PFKFB4: variants seen among roughly 807,000 people sequenced by gnomAD.
PFKFB4 encodes 6-phosphofructo-2-kinase/fructose-2,6-bisphosphatase 4.
Under a neutral mutation model 62.8 loss-of-function variants are expected in PFKFB4, and 42 were observed. The ratio of observed to expected loss-of-function variants is 0.67; its 90% CI spans 0.52 to 0.86. The LOEUF (loss-of-function observed/expected upper bound fraction) is 0.86. Ranked by LOEUF, PFKFB4 falls within the 40% of genes least tolerant of loss-of-function variation. The pLI, the probability that PFKFB4 is intolerant of heterozygous loss-of-function variation, is 0.00. For synonymous variants in PFKFB4, 204 were observed against 240.7 expected (o/e 0.85, Z 1.41); for missense variants, 475 against 627.2 (o/e 0.76, Z 2.59).
intron 7 of PFKFB4, 155 bp from the exon 8 acceptor site, chr3:48,536,618 G>C: frequency 6.4e-6 from 4 of 620,662 alleles, no homozygotes; most frequent in Non-Finnish European, 1.1e-5. Context: ...CGAGTGATGG[G>C]GGTGAGGCGG....
rs1209205919 is a variant in PFKFB4 at position 48,525,561 on chromosome 3, C to A, written c.1092+4G>T. The A allele has an allele frequency of 5.2e-6, 8 of 1,535,604 alleles. 1 individual carries two copies. The highest frequency in any genetic ancestry group is 4.8e-5 in the East Asian group (2 of 41,932). ...GCTGGGACTAAGCCCCAAATCCCAC[C>A]TACCTCCCCTTTAGGGTACCGGTAC... On this transcript the variant is annotated splice_donor_region_variant and intron_variant, in intron 10 of 13. Transcript: ENST00000232375.
At chr3:48,539,218 A>G in intron 6 of PFKFB4, 36 bp downstream of exon 6, 1 of 1,551,024 alleles carries the variant, frequency 6.4e-7, no homozygotes, top group Non-Finnish European at 8.9e-7. Context: ...TCCCTGTCAC[A>G]CACGACCTTC....
chr3:48,524,042 G>A (rs1411056470), intron 10 of PFKFB4, among the ~76,000 whole-genome samples: 4 of 152,190 alleles, frequency 2.6e-5, no homozygotes, highest in Non-Finnish European at 5.9e-5. Context: ...GTCCTGGTAG[G>A]ATTGAGAGCG....
intron 7 of PFKFB4, 153 bp from the exon 8 acceptor site, chr3:48,536,616 G>T: frequency 1.6e-6 from 1 of 627,970 alleles, no homozygotes. Flanking sequence ...TGCGAGTGAT[G>T]GGGGTGAGGC....
intron 9 of PFKFB4, among the ~76,000 whole-genome samples, chr3:48,526,984 C>T (rs1390632241): frequency 6.7e-6 from 1 of 150,368 alleles, no homozygotes; most frequent in Non-Finnish European, 1.5e-5. Flanking sequence ...CACAGACAGA[C>T]ATACATAGGG....
chr3:48,551,519 C>CTTTTTTTTT (rs71074260), intron 1 of PFKFB4, among the ~76,000 whole-genome samples: 1 of 29,080 alleles, frequency 3.4e-5, no homozygotes, highest in Non-Finnish European at 5.6e-5. Context: ...CTCCAGCCTT[C>CTTTTTTTTT]TTTTTTTTTT....
At chr3:48,542,510 T>C (rs989351447) in intron 4 of PFKFB4, among the ~76,000 whole-genome samples, 3 of 151,848 alleles carry the variant, frequency 2.0e-5, no homozygotes, top group Non-Finnish European at 4.4e-5. Context: ...AAATAATACA[T>C]GACAATTTCC....
chr3:48,521,931 TGGACACCCCCACATCA>T lies in PFKFB4; in HGVS notation c.1350+39_1350+54del. On this transcript the variant is annotated intron_variant, in intron 13 of 13. Coordinates refer to ENST00000232375, the MANE Select transcript of PFKFB4 (RefSeq NM_004567.4). This position sits in a 1 kb window ranked among gnomAD's most constrained non-coding sequence, Gnocchi z 5.3. ...GCCTGGCCCTGGAGGATGTGCAGTCTGGACACCCCCACATCAGGAACACCCCGCTACCCCAGCAGTG... is the reference window on the plus strand; with the variant it reads ...GCCTGGCCCTGGAGGATGTGCAGTCTGGAACACCCCGCTACCCCAGCAGTG... The T allele has an allele frequency of 1.4e-6, 2 of 1,440,756 alleles. No homozygotes were observed. The highest frequency in any genetic ancestry group is 2.0e-6 in the Non-Finnish European group (2 of 1,021,608). The allele number at this position is 1,440,756 out of a possible 1,614,324, so 89.2% of individuals were successfully genotyped here.
At chr3:48,530,245 T>G (rs1311233574) in intron 9 of PFKFB4, among the ~76,000 whole-genome samples, 2 of 152,004 alleles carry the variant, frequency 1.3e-5, no homozygotes, top group Non-Finnish European at 2.9e-5. Context: ...AGAGTGAGAT[T>G]TGGTCTCAAA....
In PFKFB4 at chr3:48,528,280, T is replaced by C. The variant is rs376495486; in HGVS notation, c.988-2611A>G. 3.3e-5 allele frequency among the ~76,000 whole-genome samples: 5 copies of C among 152,120 alleles called. No homozygotes were observed. In the East Asian group the frequency reaches 9.7e-4, roughly 29 times the overall value. ...GTGAGATGGCGAAACAGTGTGGCAG[T>C]TTCTGAAAAGGTTGAATGTATAATT... On this transcript the variant is annotated intron_variant, in intron 9 of 13. Coordinates refer to ENST00000232375, the MANE Select transcript of PFKFB4 (RefSeq NM_004567.4).
chr3:48,538,038 C>T (rs951027250), intron 7 of PFKFB4, among the ~76,000 whole-genome samples: 8 of 152,162 alleles, frequency 5.3e-5, no homozygotes, highest in African/African-American at 1.7e-4. Flanking sequence ...GCCAGCCAGT[C>T]GAACTCAGCC....
At chr3:48,557,006 T>A, upstream of PFKFB4, 3 of 1,348,424 alleles carry the variant, frequency 2.2e-6, no homozygotes, top group South Asian at 1.6e-5. Context: ...TTGGAACAAG[T>A]GGGCCCAGTT....
At position 48,556,339 on chromosome 3, in the gene PFKFB4, T is replaced by G. The variant is rs2043315395; in HGVS notation, c.97+342A>C. 3.8e-6 allele frequency: 2 copies of G among 524,644 alleles called. No homozygotes were observed. The highest frequency in any genetic ancestry group is 1.9e-5 in the African/African-American group (1 of 52,812). The allele number at this position is 524,644 out of a possible 1,614,324, so 32.5% of individuals were successfully genotyped here. A position where few individuals can be genotyped will look rare whatever the true frequency, so the allele number is the denominator to read the frequency against. ...CCAGGAGAGAGGGAAGGGCCTGGGG[T>G]GCCCACAGGGTCCTCCCCAGACTGG... On this transcript the variant is annotated intron_variant, in intron 1 of 13. Transcript: ENST00000232375. This position sits in a 1 kb window ranked among gnomAD's most constrained non-coding sequence, Gnocchi z 5.7.
chr3:48,551,049 AC>A (rs754504814), intron 1 of PFKFB4, among the ~76,000 whole-genome samples: 7 of 152,058 alleles, frequency 4.6e-5, no homozygotes, highest in Non-Finnish European at 7.4e-5. Context: ...CTGATAGCCC[AC>A]CCACCACCAT....
At chr3:48,557,165 C>A (rs2043349322), upstream of PFKFB4, 1 of 219,198 alleles carries the variant, frequency 4.6e-6, no homozygotes, top group Admixed American at 6.2e-5. Context: ...GCCCCACCTA[C>A]GGGCTCCGCC....
At chr3:48,544,752 T>C (rs1250299992) in intron 3 of PFKFB4, among the ~76,000 whole-genome samples, 2 of 151,784 alleles carry the variant, frequency 1.3e-5, no homozygotes, top group East Asian at 3.9e-4. Context: ...ACAAGAGTCT[T>C]ACTCTCTGTT....
intron 3 of PFKFB4, 96 bp downstream of exon 3, chr3:48,549,768 C>T (rs2043074340): frequency 1.2e-6 from 1 of 806,516 alleles, no homozygotes; most frequent in East Asian, 2.5e-5. Flanking sequence ...CAGCTCCACT[C>T]CAGGGGCTTC....
chr3:48,522,127 A>AG, intron 12 of PFKFB4, 77 bp from the exon 13 acceptor site: 3 of 1,345,282 alleles, frequency 2.2e-6, no homozygotes, highest in South Asian at 1.2e-5. Context: ...CTTCTCTTGG[A>AG]GGGGGGTCTG....
intron 1 of PFKFB4, among the ~76,000 whole-genome samples, chr3:48,552,605 C>CCCGGCCAGG (rs1364678983): frequency 2.0e-5 from 3 of 152,222 alleles, no homozygotes; most frequent in Non-Finnish European, 4.4e-5. Context: ...TTGCATAGTT[C>CCCGGCCAGG]CCGGCCAGGT....
Sources: allele counts gnomAD v4.1 joint callset (sites outside exome capture counted in the v4.1 genomes callset), GRCh38; gene constraint gnomAD v4.1.1; non-coding constraint Gnocchi (gnomAD v3.1); transcripts MANE v1.5; gene names NCBI Gene and HGNC (gene_info 2026-07-23, HGNC 2026-07-21).